Variants in DPP10 observed in about 807,000 individuals in gnomAD.
DPP10 encodes the protein dipeptidyl peptidase like 10, also known as inactive dipeptidyl peptidase 10.
In DPP10, 33 loss-of-function variants were observed where a neutral mutation model predicts 120.9. The observed-to-expected ratio is 0.27, with a 90% CI of 0.21 to 0.37. The LOEUF (loss-of-function observed/expected upper bound fraction) is 0.37, where lower values mean the gene tolerates loss of function less well. Ranked by LOEUF, DPP10 falls within the 10% of genes least tolerant of loss-of-function variation. The probability of loss-of-function intolerance (pLI) is 1.00; values close to 1 mark genes in which losing one functional copy is unlikely to be tolerated. For synonymous variants in DPP10, 337 were observed against 326.1 expected, an observed-to-expected ratio of 1.03 and a Z score of -0.36; for missense variants, 816 against 942.8, an observed-to-expected ratio of 0.87 and a Z score of 1.76.
At chr2:114,569,888 T>G (rs1689492246) in intron 1 of DPP10, among the ~76,000 whole-genome samples, 2 of 152,252 alleles carry the variant, frequency 1.3e-5, no homozygotes, top group Admixed American at 6.5e-5. Context: ...TTATTAATTA[T>G]CTATGTAGCC....
intron 1 of DPP10, among the ~76,000 whole-genome samples, chr2:114,469,981 C>T (rs1390740404): frequency 2.0e-5 from 3 of 152,190 alleles, no homozygotes; most frequent in African/African-American, 7.2e-5. Context: ...AACCAAAAAC[C>T]AACAAGGCCA....
At chr2:115,489,554 C>T (rs1296342129) in intron 3 of DPP10, among the ~76,000 whole-genome samples, 1 of 150,648 alleles carries the variant, frequency 6.6e-6, no homozygotes, top group African/African-American at 2.4e-5. Flanking sequence ...AAATAAAAGG[C>T]CATGCAAGGC....
intron 1 of DPP10, among the ~76,000 whole-genome samples, chr2:114,619,113 A>G (rs779472974): frequency 6.6e-6 from 1 of 151,984 alleles, no homozygotes; most frequent in African/African-American, 2.4e-5. Flanking sequence ...TGATTTATAT[A>G]TTGTAGTTAG....
chr2:115,428,326 T>C (rs909749894), intron 3 of DPP10, among the ~76,000 whole-genome samples: 1 of 152,224 alleles, frequency 6.6e-6, no homozygotes, highest in Non-Finnish European at 1.5e-5. Flanking sequence ...TATGCCTTGG[T>C]ACCAATTTTC....
intron 1 of DPP10, among the ~76,000 whole-genome samples, chr2:114,722,281 G>A (rs12711803): frequency 0.12 from 18,295 of 152,052 alleles, 1,455 homozygotes; most frequent in African/African-American, 0.23. Flanking sequence ...CACTATTTTT[G>A]TCAAGAATGA....
At chr2:115,199,535 C>T (rs2055537727) in intron 1 of DPP10, among the ~76,000 whole-genome samples, 1 of 152,026 alleles carries the variant, frequency 6.6e-6, no homozygotes, top group Non-Finnish European at 1.5e-5. Context: ...TTGAATGTAA[C>T]AAATTCCTGG....
At chr2:115,795,539 T>C (rs1684441527) in intron 19 of DPP10, among the ~76,000 whole-genome samples, 1 of 152,126 alleles carries the variant, frequency 6.6e-6, no homozygotes, top group Non-Finnish European at 1.5e-5. Context: ...ATCAGGTCAT[T>C]CTAACCGGAG....
intron 1 of DPP10, among the ~76,000 whole-genome samples, chr2:114,531,875 TTTC>T (rs1686019285): frequency 1.3e-5 from 2 of 152,020 alleles, no homozygotes; most frequent in African/African-American, 4.8e-5. Context: ...TGAAACACTA[TTTC>T]TGGGTGTCTG....
chr2:115,079,345 G>A (rs1489731851), intron 1 of DPP10, among the ~76,000 whole-genome samples: 3 of 143,980 alleles, frequency 2.1e-5, no homozygotes, highest in Non-Finnish European at 3.0e-5. Flanking sequence ...CAGCCTGGGC[G>A]ACAGAGCCAG....
intron 5 of DPP10, among the ~76,000 whole-genome samples, chr2:115,570,381 C>G (rs564135892): frequency 1.3e-5 from 2 of 152,322 alleles, no homozygotes; most frequent in East Asian, 3.9e-4. Context: ...TAATGGCACA[C>G]TTGTAAGAAA....
At chr2:115,492,669 GA>G (rs2076186283) in intron 3 of DPP10, among the ~76,000 whole-genome samples, 1 of 152,098 alleles carries the variant, frequency 6.6e-6, no homozygotes, top group Non-Finnish European at 1.5e-5. Context: ...GCAGACAGTT[GA>G]ATAGCAAATT....
At chr2:114,547,624 C>T (rs1337351001) in intron 1 of DPP10, among the ~76,000 whole-genome samples, 2 of 152,024 alleles carry the variant, frequency 1.3e-5, no homozygotes, top group Non-Finnish European at 2.9e-5. Flanking sequence ...CTAAGATATG[C>T]CTGTGTGTAT....
chr2:114,885,580 C>T (rs1343158565), intron 1 of DPP10, among the ~76,000 whole-genome samples: 1 of 152,132 alleles, frequency 6.6e-6, no homozygotes, highest in East Asian at 1.9e-4. Flanking sequence ...AGATTTATTA[C>T]ACACACTCAG....
intron 1 of DPP10, among the ~76,000 whole-genome samples, chr2:115,001,979 T>C (rs1212291906): frequency 2.6e-5 from 4 of 152,170 alleles, no homozygotes; most frequent in Non-Finnish European, 5.9e-5. Context: ...ATGGATTCAA[T>C]GCTATTCCTA....
intron 1 of DPP10, among the ~76,000 whole-genome samples, chr2:114,867,558 T>C (rs1474115509): frequency 1.3e-5 from 2 of 152,220 alleles, no homozygotes; most frequent in Non-Finnish European, 2.9e-5. Flanking sequence ...TTATGAAAAG[T>C]TTCAGTAATA....
At chr2:114,492,407 A>C (rs975829197) in intron 1 of DPP10, among the ~76,000 whole-genome samples, 2 of 152,156 alleles carry the variant, frequency 1.3e-5, no homozygotes, top group Non-Finnish European at 2.9e-5. Context: ...TTTTCTTTTG[A>C]TTGAATAATA....
At chr2:115,262,052 C>T (rs2059273879) in intron 1 of DPP10, among the ~76,000 whole-genome samples, 1 of 152,200 alleles carries the variant, frequency 6.6e-6, no homozygotes, top group African/African-American at 2.4e-5. Flanking sequence ...TTTGAGATTC[C>T]ATTTTCACTT....
intron 1 of DPP10, among the ~76,000 whole-genome samples, chr2:115,243,343 T>C (rs1467516553): frequency 1.3e-5 from 2 of 152,154 alleles, no homozygotes; most frequent in African/African-American, 4.8e-5. Context: ...AAAAGATGCA[T>C]TTCTTGCCCA....
chr2:115,392,852 C>A (rs2106549749), intron 3 of DPP10, among the ~76,000 whole-genome samples: 1 of 152,038 alleles, frequency 6.6e-6, no homozygotes, highest in East Asian at 1.9e-4. Context: ...CTATGAAGAT[C>A]TTTGTGTAAA....
Sources: gnomAD v4.1 joint callset for allele counts (sites outside exome capture counted in the v4.1 genomes callset) on GRCh38, gnomAD v4.1.1 for gene constraint, MANE v1.5 for transcripts, NCBI Gene and HGNC (gene_info 2026-07-23, HGNC 2026-07-21) for gene names.